Variants in SLC66A1 observed in about 807,000 individuals in gnomAD.
The protein encoded by SLC66A1 is solute carrier family 66 member 1, also known as lysosomal amino acid transporter 1 homolog.
A neutral mutation model predicts 33.0 loss-of-function variants in SLC66A1; 23 were observed. That is an observed-to-expected ratio of 0.70 (90% CI 0.50 to 0.99). SLC66A1 has a LOEUF of 0.99. SLC66A1 is among the 50% of genes least tolerant of loss of function. SLC66A1 has a pLI of 0.00. For synonymous variants in SLC66A1, 164 were observed against 175.5 expected (o/e 0.93, Z 0.52); for missense variants, 335 against 383.6 (o/e 0.87, Z 1.06).
intron 1 of SLC66A1, among the ~76,000 whole-genome samples, chr1:19,317,386 C>T (rs7537105): frequency 0.042 from 6,470 of 152,272 alleles, 444 homozygotes; most frequent in African/African-American, 0.14. Context: ...AGATCCAGCA[C>T]GCTGCCTGCA....
intron 1 of SLC66A1, among the ~76,000 whole-genome samples, chr1:19,313,836 T>C (rs2093790859): frequency 6.6e-6 from 1 of 152,204 alleles, no homozygotes; most frequent in Non-Finnish European, 1.5e-5. Context: ...CGAAGCACCC[T>C]GACTCAGCTT....
intron 1 of SLC66A1, among the ~76,000 whole-genome samples, chr1:19,315,707 C>T (rs1485609883): frequency 6.6e-6 from 1 of 152,192 alleles, no homozygotes; most frequent in East Asian, 1.9e-4. Context: ...ACCACAGAGG[C>T]TTCTCTGTCT....
rs761682543 is a variant in SLC66A1 at position 19,329,072 on chromosome 1, C to A, written c.*429C>A. On this transcript the variant is annotated 3_prime_UTR_variant, in exon 8 of 8. Transcript: ENST00000375153. ...CGTAGTTCGAGACCAGCCTGGCCAA[C>A]ATGGTGAAACCCCATCTCTACTAAA... is the stretch of plus-strand genomic sequence containing the variant. 3.7e-5 allele frequency: 7 copies of A among 188,620 alleles called. No individual in the cohort carries two copies. The highest frequency in any genetic ancestry group is 6.6e-5 in the Non-Finnish European group (6 of 90,916). 11.7% of individuals were successfully genotyped at this position (188,620 alleles called of 1,614,324 possible).
chr1:19,321,852 C>T (rs1328282736), intron 2 of SLC66A1, among the ~76,000 whole-genome samples: 1 of 152,112 alleles, frequency 6.6e-6, no homozygotes, highest in African/African-American at 2.4e-5. Flanking sequence ...CAGGCATGAG[C>T]CACCACACAT....
chr1:19,327,320 A>T lies in SLC66A1; in HGVS notation c.712A>T (p.Asn238Tyr). Residue 238 changes from asparagine (N) to tyrosine (Y), a missense_variant, in exon 7 of 8, where the codon AAC becomes TAC. Physicochemically the swap from Asn to Tyr is moderately radical, Grantham distance 143. Coordinates refer to ENST00000375153, the MANE Select transcript of SLC66A1 (RefSeq NM_001040125.2). ...GTATGGGCTGAGCGTGCTGCTCAAA[A>T]ACCCCGAGGAGGGCCAGAGCGAGGG... ...TLYGLSVLLK[N>Y]PEEGQSEGSY... 1.2e-6 allele frequency: 2 copies of T among 1,613,386 alleles called. No individual in the cohort carries two copies. Among genetic ancestry groups the T allele is most frequent in the Non-Finnish European group, 1.7e-6 (2 of 1,179,700 alleles).
At chr1:19,331,546 C>G (rs542605113), downstream of SLC66A1, among the ~76,000 whole-genome samples, 1 of 152,304 alleles carries the variant, frequency 6.6e-6, no homozygotes, top group Non-Finnish European at 1.5e-5. Context: ...GACCCAGGCT[C>G]CCTTCTCACC....
At chr1:19,324,791 T>C (rs772411724) in intron 3 of SLC66A1, 29 bp downstream of exon 3, 13 of 1,612,318 alleles carry the variant, frequency 8.1e-6, no homozygotes. Context: ...AAGGTGGCGC[T>C]ACCCCTAACC....
Position 19,317,648 on chromosome 1 carries a change from T to C in SLC66A1, c.-30T>C, listed in dbSNP as rs538910163. 5 of 1,611,726 alleles carry C rather than the reference T, an allele frequency of 3.1e-6. No individual in the cohort carries two copies. The East Asian group carries it at 6.7e-5, about 22-fold the overall frequency. Reference sequence around the variant, plus strand: ...CAGCGCCCTCCCTCCGGTGCAGCCCTGCCTGGCCGGGGGCCCCTCCTCCAC... The same window carrying C: ...CAGCGCCCTCCCTCCGGTGCAGCCCCGCCTGGCCGGGGGCCCCTCCTCCAC... On this transcript the variant is annotated 5_prime_UTR_variant, in exon 2 of 8. Transcript: ENST00000375153.
At chr1:19,324,294 A>G (rs1461299493) in intron 2 of SLC66A1, among the ~76,000 whole-genome samples, 2 of 152,338 alleles carry the variant, frequency 1.3e-5, no homozygotes, top group African/African-American at 4.8e-5. Context: ...AGCGGTTGTC[A>G]GGGCCCAACA....
At chr1:19,326,723 G>T in intron 6 of SLC66A1, 100 bp downstream of exon 6, 1 of 1,266,666 alleles carries the variant, frequency 7.9e-7, no homozygotes, top group Non-Finnish European at 1.1e-6. Flanking sequence ...AGGAGCCTTG[G>T]TTCAGAAAGT....
At chr1:19,322,410 T>C (rs2093842486) in intron 2 of SLC66A1, among the ~76,000 whole-genome samples, 1 of 152,166 alleles carries the variant, frequency 6.6e-6, no homozygotes, top group Non-Finnish European at 1.5e-5. Context: ...CAGTCTCTCC[T>C]GAGTGGGACA....
chr1:19,326,121 GAGGTTAGGTCACTTGCCCA>G, intron 4 of SLC66A1, 105 bp from the exon 5 acceptor site: 1 of 817,798 alleles, frequency 1.2e-6, no homozygotes, highest in Non-Finnish European at 1.9e-6. Context: ...AAAGCTCAGA[GAGGTTAGGTCACTTGCCCA>G]AGGTCACACA....
At chr1:19,329,869 T>C (rs2093887708), downstream of SLC66A1, among the ~76,000 whole-genome samples, 1 of 151,706 alleles carries the variant, frequency 6.6e-6, no homozygotes, top group Non-Finnish European at 1.5e-5. Flanking sequence ...AGAGGGAGGA[T>C]TGAAGGCAGG....
At chr1:19,315,035 G>A (rs2093797713) in intron 1 of SLC66A1, among the ~76,000 whole-genome samples, 1 of 152,134 alleles carries the variant, frequency 6.6e-6, no homozygotes, top group South Asian at 2.1e-4. Context: ...AGCCTCCTGA[G>A]TAGCTGGGAT....
At position 19,328,724 on chromosome 1, in the gene SLC66A1, G is replaced by A. The variant is rs1036350941; in HGVS notation, c.*81G>A. 16 of 1,473,380 alleles carry A rather than the reference G, an allele frequency of 1.1e-5. No individual in the cohort carries two copies. The Admixed American group carries it at 1.5e-4, about 14-fold the overall frequency. The allele number at this position is 1,473,380 out of a possible 1,614,324, so 91.3% of individuals were successfully genotyped here. The stretch of plus-strand genomic sequence containing the variant: ...GAGGAGGTGTGGACAGTGATGGTAC[G>A]GCGGCCCTGCATCAGCCTGCGGGTG... On this transcript the variant is annotated 3_prime_UTR_variant, in exon 8 of 8. Transcript: ENST00000375153. This position sits in a 1 kb window ranked among gnomAD's most constrained non-coding sequence, Gnocchi z 4.7.
chr1:19,317,814 T>G lies in SLC66A1; in HGVS notation c.137T>G (p.Ile46Ser). Residue 46 changes from isoleucine (I) to serine (S), a missense_variant, in exon 2 of 8, where the codon ATT (isoleucine) becomes AGT (serine). Coordinates refer to ENST00000375153, the MANE Select transcript of SLC66A1 (RefSeq NM_001040125.2). ...EASVGLGLISILCFAASTFPQ... is the reference protein window; with the variant it reads ...EASVGLGLISSLCFAASTFPQ... ...AGCGTGGGCCTGGGCTTGATCTCCA[T>G]TCTCTGCTTTGCTGCATCTACCTTC... The G allele has an allele frequency of 6.2e-7, 1 of 1,614,110 alleles. No homozygotes were observed. Among genetic ancestry groups the G allele is most frequent in the Non-Finnish European group, 8.5e-7 (1 of 1,179,998 alleles).
At chr1:19,314,497 A>G (rs1319900779) in intron 1 of SLC66A1, among the ~76,000 whole-genome samples, 1 of 152,206 alleles carries the variant, frequency 6.6e-6, no homozygotes, top group Non-Finnish European at 1.5e-5. Context: ...AAAGGGGGAA[A>G]TGAGAGGGAG....
In SLC66A1 at chr1:19,324,729, C is replaced by T. The variant is rs749585649; in HGVS notation, c.261C>T (p.Ile87=). ...TTGGCGGAGACTCCTGCAACCTCAT[C>T]GGCTCCTTCCTTGCTGACCAGCTGC... ...GWIGGDSCNL[I]GSFLADQLPL... Residue 87 remains isoleucine (I), a synonymous_variant, in exon 3 of 8, where the codon ATC becomes ATT. Transcript: ENST00000375153. 8.7e-6 allele frequency: 14 copies of T among 1,614,092 alleles called. No individual in the cohort carries two copies. The highest frequency in any genetic ancestry group is 6.6e-5 in the South Asian group (6 of 91,096).
In SLC66A1 at chr1:19,325,452, C is replaced by G. The variant is rs751260160; in HGVS notation, c.295-43C>G. 3.5e-6 allele frequency: 5 copies of G among 1,442,002 alleles called. No homozygotes were observed. In the East Asian group the frequency reaches 6.8e-5, roughly 20 times the overall value. 89.3% of individuals were successfully genotyped at this position (1,442,002 alleles called of 1,614,324 possible). A position where few individuals can be genotyped will look rare whatever the true frequency, so the allele number is the denominator to read the frequency against. ...GGGCTGCCGGGGCGTGGTCTCAGATCCTGGGACTGCGCCAACCCCTGGGCC... is the reference window on the plus strand; with the variant it reads ...GGGCTGCCGGGGCGTGGTCTCAGATGCTGGGACTGCGCCAACCCCTGGGCC... On this transcript the variant is annotated intron_variant, in intron 3 of 7. Coordinates refer to ENST00000375153, the MANE Select transcript of SLC66A1 (RefSeq NM_001040125.2).
Sources: gnomAD v4.1 joint callset for allele counts (sites outside exome capture counted in the v4.1 genomes callset) on GRCh38, gnomAD v4.1.1 for gene constraint, Gnocchi (gnomAD v3.1) non-coding constraint, MANE v1.5 for transcripts, NCBI Gene and HGNC (gene_info 2026-07-23, HGNC 2026-07-21) for gene names.